CEP120: variants seen among roughly 807,000 people sequenced by gnomAD.
CEP120 encodes centrosomal protein of 120 kDa.
A neutral mutation model predicts 126.5 loss-of-function variants in CEP120; 113 were observed. That is an observed-to-expected ratio of 0.89 (90% CI 0.77 to 1.04). The LOEUF (loss-of-function observed/expected upper bound fraction) is 1.04, where lower values mean the gene tolerates loss of function less well. CEP120 is among the 50% of genes least tolerant of loss of function. The probability of loss-of-function intolerance (pLI) is 0.00; values close to 1 mark genes in which losing one functional copy is unlikely to be tolerated. For synonymous variants in CEP120, 400 were observed against 394.3 expected (o/e 1.01, Z -0.17); for missense variants, 1,230 against 1,155.7 (o/e 1.06, Z -0.93).
chr5:123,382,619 C>T, intron 13 of CEP120, 118 bp downstream of exon 13: 2 of 900,992 alleles, frequency 2.2e-6, no homozygotes, highest in Non-Finnish European at 3.1e-6. Context: ...GCATTGTTGA[C>T]ATTCAAAGAA....
In CEP120 at chr5:123,386,673, ATTT is replaced by A. The variant is rs746167728; in HGVS notation, c.1431-9_1431-7del. On this transcript the variant is annotated splice_polypyrimidine_tract_variant and splice_region_variant and intron_variant, in intron 9 of 19. Transcript: ENST00000306467. The stretch of plus-strand genomic sequence containing the variant: ...CAAAGAATGGATATGAGTACCTAGA[ATTT>A]AAAAAAAAAAAAAAAAAAAAAAGCC... 237 of 737,240 alleles carry A rather than the reference ATTT, an allele frequency of 3.2e-4. 4 individuals are homozygous for A. In the African/African-American group the frequency reaches 4.6e-3, roughly 14 times the overall value. 45.7% of individuals were successfully genotyped at this position (737,240 alleles called of 1,614,324 possible). A position where few individuals can be genotyped will look rare whatever the true frequency, so the allele number is the denominator to read the frequency against.
chr5:123,386,822 T>C (rs1375341035), intron 9 of CEP120, among the ~76,000 whole-genome samples, 155 bp from the exon 10 acceptor site: 1 of 152,166 alleles, frequency 6.6e-6, no homozygotes, highest in African/African-American at 2.4e-5. Flanking sequence ...CTGTCATCTG[T>C]GTAAGAAGTT....
chr5:123,382,630 G>A (rs2127048859), intron 13 of CEP120, 107 bp downstream of exon 13: 4 of 994,006 alleles, frequency 4.0e-6, no homozygotes, highest in Non-Finnish European at 4.2e-6. Context: ...ATTCAAAGAA[G>A]TTAGATAAGG....
intron 19 of CEP120, among the ~76,000 whole-genome samples, chr5:123,349,556 T>C (rs1021644667): frequency 6.6e-6 from 1 of 152,136 alleles, no homozygotes; most frequent in Admixed American, 6.5e-5. Context: ...ATGCTATAAA[T>C]GGAAACACAA....
At chr5:123,421,943 T>C (rs2127148209) in intron 1 of CEP120, among the ~76,000 whole-genome samples, 1 of 152,304 alleles carries the variant, frequency 6.6e-6, no homozygotes, top group African/African-American at 2.4e-5. Flanking sequence ...GCCAGGCCTT[T>C]ATAAAACACT....
chr5:123,393,573 C>A, intron 5 of CEP120, 76 bp from the exon 6 acceptor site: 1 of 1,211,250 alleles, frequency 8.3e-7, no homozygotes, highest in Non-Finnish European at 1.2e-6. Context: ...TATTACATTC[C>A]AAAAACATTT....
At chr5:123,382,224 T>C (rs1562039132) in intron 13 of CEP120, 24 bp from the exon 14 acceptor site, 3 of 1,549,784 alleles carry the variant, frequency 1.9e-6, no homozygotes, top group Middle Eastern at 1.7e-4. Context: ...AAAAATAAAG[T>C]CGCCAAAAAA....
chr5:123,421,070 C>A (rs765434806), intron 1 of CEP120, among the ~76,000 whole-genome samples: 1 of 152,158 alleles, frequency 6.6e-6, no homozygotes, highest in Non-Finnish European at 1.5e-5. Flanking sequence ...CTCTTCCTTG[C>A]ACACTGCTAC....
Position 123,374,213 on chromosome 5 carries a change from A to AAAC in CEP120, c.2359-1444_2359-1442dup, listed in dbSNP as rs577450819. Among the ~76,000 whole-genome samples the AAAC allele has an allele frequency of 4.2e-3, 632 of 151,998 alleles. 4 individuals are homozygous for AAAC. The highest frequency in any genetic ancestry group is 0.012 in the South Asian group (58 of 4,824). On this transcript the variant is annotated intron_variant, in intron 16 of 19. Coordinates refer to ENST00000306467, the MANE Select transcript of CEP120 (RefSeq NM_001375405.1). ...TCAATTCCTTCATACTAATAGGTAAAAACAACAACAACAACAACAACAACA... is the reference window on the plus strand; with the variant it reads ...TCAATTCCTTCATACTAATAGGTAAAAACAACAACAACAACAACAACAACAACA...
intron 18 of CEP120, among the ~76,000 whole-genome samples, chr5:123,353,522 A>AAGC (rs373426883): frequency 2.4e-4 from 3 of 12,764 alleles, no homozygotes; most frequent in East Asian, 1.1e-3. Context: ...AAAAAAAAGT[A>AAGC]AGCATTTTTC....
chr5:123,412,743 T>C (rs1055766885), intron 3 of CEP120, among the ~76,000 whole-genome samples: 3 of 152,128 alleles, frequency 2.0e-5, no homozygotes, highest in Non-Finnish European at 4.4e-5. Flanking sequence ...ACGTAGAAAT[T>C]TAAATTGTTT....
At chr5:123,418,689 C>T (rs1774528561) in intron 1 of CEP120, among the ~76,000 whole-genome samples, 174 bp from the exon 2 acceptor site, 1 of 151,838 alleles carries the variant, frequency 6.6e-6, no homozygotes, top group Non-Finnish European at 1.5e-5. Context: ...CTCCGCCTCC[C>T]AGGTTCACGC....
At position 123,422,555 on chromosome 5, in the gene CEP120, A is replaced by G. The variant is rs761608358; in HGVS notation, c.49+395T>C. 5 of 1,535,336 alleles carry G rather than the reference A, an allele frequency of 3.3e-6. No individual in the cohort carries two copies. The South Asian group carries it at 5.9e-5, about 18-fold the overall frequency. On this transcript the variant is annotated intron_variant, in intron 1 of 19. Coordinates refer to ENST00000306467, the MANE Select transcript of CEP120 (RefSeq NM_001375405.1). ...GTGTAAAGGGAATTGCCTCCGGAAC[A>G]CTTCTGGAATCGCAGGAAGCCTGTA...
chr5:123,379,371 C>T (rs904905211), intron 14 of CEP120, among the ~76,000 whole-genome samples: 24 of 152,008 alleles, frequency 1.6e-4, no homozygotes, highest in Admixed American at 7.2e-4. Context: ...AGCCACTGTA[C>T]CTCCATCAGA....
intron 4 of CEP120, among the ~76,000 whole-genome samples, chr5:123,411,684 G>A (rs543662544): frequency 1.3e-5 from 2 of 152,332 alleles, no homozygotes; most frequent in African/African-American, 4.8e-5. Flanking sequence ...CCAAGGGGAT[G>A]GGAGGAGGGA....
chr5:123,420,162 C>T (rs1309940025), intron 1 of CEP120, among the ~76,000 whole-genome samples: 3 of 152,186 alleles, frequency 2.0e-5, no homozygotes, highest in African/African-American at 7.2e-5. Context: ...CATCTCAGGA[C>T]CTCATTTTCT....
At chr5:123,407,882 G>A (rs1040699893) in intron 4 of CEP120, among the ~76,000 whole-genome samples, 23 of 152,020 alleles carry the variant, frequency 1.5e-4, no homozygotes, top group African/African-American at 5.3e-4. Flanking sequence ...ACATAAACTA[G>A]AAATCAGTAA....
intron 4 of CEP120, chr5:123,401,490 T>C: frequency 7.9e-7 from 1 of 1,263,826 alleles, no homozygotes; most frequent in East Asian, 2.3e-5. Context: ...TCCTCATCCT[T>C]GATCTGGTAC....
At chr5:123,419,888 T>G (rs565745548) in intron 1 of CEP120, among the ~76,000 whole-genome samples, 3 of 152,324 alleles carry the variant, frequency 2.0e-5, no homozygotes, top group African/African-American at 7.2e-5. Flanking sequence ...CTAAGAATCT[T>G]GCACTGAGTC....
Sources: gnomAD v4.1 joint callset for allele counts (sites outside exome capture counted in the v4.1 genomes callset) on GRCh38, gnomAD v4.1.1 for gene constraint, MANE v1.5 for transcripts, NCBI Gene and HGNC (gene_info 2026-07-23, HGNC 2026-07-21) for gene names.